Variants in TTN observed in about 807,000 individuals in gnomAD.
TTN encodes the protein connectin.
In TTN, 1,525 loss-of-function variants were observed where a neutral mutation model predicts 3,223.0. The observed-to-expected ratio is 0.47, with a 90% CI of 0.45 to 0.49. TTN has a LOEUF of 0.49. Ranked by LOEUF, TTN falls within the 20% of genes least tolerant of loss-of-function variation. The pLI is 0.00. For missense variants in TTN, 40,786 were observed against 43,424.0 expected (o/e 0.94, Z 5.40); for synonymous variants, 14,094 against 15,161.0 (o/e 0.93, Z 5.17).
Position 178,597,789 on chromosome 2 carries a change from A to G in TTN, c.57293T>C (p.Val19098Ala), listed in dbSNP as rs766691172. 2 of 1,613,236 alleles carry G rather than the reference A, an allele frequency of 1.2e-6. No homozygotes were observed. Among genetic ancestry groups the G allele is most frequent in the South Asian group, 2.2e-5 (2 of 91,060 alleles). The change falls in exon 294 of 363, where the codon GTC becomes GCC. Residue 19098 changes from valine to alanine, a missense_variant. Coordinates refer to ENST00000589042, the MANE Select transcript of TTN (RefSeq NM_001267550.2). ...VSPDLQLDASVRDRIVVHAGG... is the reference protein window; with the variant it reads ...VSPDLQLDASARDRIVVHAGG... ...AGCATGGACAACAATTCTATCTCTGACACTGGCATCTAGCTGAAGGTCAGG... is the reference window on the plus strand; with the variant it reads ...AGCATGGACAACAATTCTATCTCTGGCACTGGCATCTAGCTGAAGGTCAGG...
rs1460874530 is a variant in TTN at position 178,757,843 on chromosome 2, C to T, written c.10377G>A (p.Glu3459=). Residue 3459 remains glutamate, a synonymous_variant, in exon 45 of 363, where the codon GAG becomes GAA. Coordinates refer to ENST00000589042, the MANE Select transcript of TTN (RefSeq NM_001267550.2). ...HVSLSVSFKK[E]PLGQKPSFIQ... is the part of the protein sequence containing the mutation. ...TGAAGCTGGGCTTTTGGCCAAGGGGCTCCTTCTTAAATGAAACTGATAAAG... is the reference window on the plus strand; with the variant it reads ...TGAAGCTGGGCTTTTGGCCAAGGGGTTCCTTCTTAAATGAAACTGATAAAG... 1.9e-6 allele frequency: 3 copies of T among 1,589,536 alleles called. No homozygotes were observed. Among genetic ancestry groups the T allele is most frequent in the Admixed American group, 1.8e-5 (1 of 56,038 alleles).
intron 217 of TTN, 46 bp from the exon 218 acceptor site, chr2:178,644,662 G>A: frequency 7.2e-7 from 1 of 1,383,574 alleles, no homozygotes; most frequent in African/African-American, 1.5e-5. Flanking sequence ...TATTTAATCT[G>A]AAGCAAGTGA....
At chr2:178,696,358 G>T in intron 113 of TTN, 89 bp from the exon 114 acceptor site, 22 of 1,031,108 alleles carry the variant, frequency 2.1e-5, no homozygotes, top group South Asian at 8.8e-5. Flanking sequence ...AACAACATCA[G>T]TATTTCAGAT....
intron 47 of TTN, chr2:178,746,783 A>C: frequency 6.2e-7 from 1 of 1,613,430 alleles, no homozygotes; most frequent in South Asian, 1.1e-5. Flanking sequence ...AAGACCTTCA[A>C]CTTCAACAAT....
intron 24 of TTN, 52 bp downstream of exon 24, chr2:178,778,822 T>C (rs932291169): frequency 2.2e-5 from 36 of 1,611,992 alleles, no homozygotes; most frequent in Middle Eastern, 1.7e-4. Flanking sequence ...TACTATTTGA[T>C]GTTTTGAAAA....
chr2:178,534,485 T>C lies in TTN; in HGVS notation c.102130A>G (p.Ile34044Val), dbSNP rs1690568887. ...FDEEAFKEISIEAMDFVDRLL... is the reference protein window; with the variant it reads ...FDEEAFKEISVEAMDFVDRLL... The stretch of plus-strand genomic sequence containing the variant: ...CGGTCAACAAAATCCATGGCTTCAA[T>C]GCTAATCTCTTTGAATGCTTCCTCA... Residue 34044 changes from isoleucine (I) to valine (V), a missense_variant, in exon 358 of 363, where the codon ATT (isoleucine) becomes GTT (valine). Transcript: ENST00000589042. The C allele has an allele frequency of 4.3e-6, 7 of 1,613,664 alleles. No homozygotes were observed. The highest frequency in any genetic ancestry group is 5.9e-6 in the Non-Finnish European group (7 of 1,179,826).
chr2:178,624,866 GACA>G (rs2058794217), intron 241 of TTN, 135 bp from the exon 242 acceptor site: 2 of 945,920 alleles, frequency 2.1e-6, no homozygotes. Flanking sequence ...ATTACACTCA[GACA>G]TTTTCCTCTA....
intron 124 of TTN, 43 bp from the exon 125 acceptor site, chr2:178,689,179 A>G (rs758793193): frequency 1.6e-5 from 25 of 1,580,148 alleles, no homozygotes; most frequent in Non-Finnish European, 2.2e-5. Context: ...ATGTGATCTC[A>G]TTGAAGCCCA....
intron 125 of TTN, 46 bp downstream of exon 125, chr2:178,689,003 ATTTT>A (rs35770337): frequency 0.014 from 13,358 of 984,736 alleles, no homozygotes; most frequent in Non-Finnish European, 0.016. Context: ...ACACTCGAAG[ATTTT>A]TTTTTTTTTT....
chr2:178,630,154 TAATAA>T, intron 239 of TTN, 82 bp downstream of exon 239: 1 of 1,567,826 alleles, frequency 6.4e-7, no homozygotes, highest in Admixed American at 1.8e-5. Flanking sequence ...ATTTTCTAAC[TAATAA>T]AATAGGTCCA....
chr2:178,605,714 C>A lies in TTN; in HGVS notation c.53582-1G>T. The A allele has an allele frequency of 6.7e-7, 1 of 1,484,260 alleles. No individual in the cohort carries two copies. The highest frequency in any genetic ancestry group is 9.0e-7 in the Non-Finnish European group (1 of 1,113,278). The allele number at this position is 1,484,260 out of a possible 1,614,324, so 91.9% of individuals were successfully genotyped here. ...AGCCTCTCTGGAGATGTTGGAGGAC[C>A]TTTAGCCAGAGGCAAGTGAAAATGA... On this transcript the variant is annotated splice_acceptor_variant, in intron 278 of 362. Coordinates refer to ENST00000589042, the MANE Select transcript of TTN (RefSeq NM_001267550.2). LOFTEE classifies it high-confidence loss of function.
chr2:178,740,425 C>T lies in TTN; in HGVS notation c.12808G>A (p.Gly4270Arg). The T allele has an allele frequency of 6.2e-7, 1 of 1,613,048 alleles. No individual in the cohort carries two copies. Among genetic ancestry groups the T allele is most frequent in the African/African-American group, 1.3e-5 (1 of 75,004 alleles). The change falls in exon 48 of 363, where the codon GGA becomes AGA. Residue 4270 changes from glycine to arginine, a missense_variant. Physicochemically the swap from Gly to Arg is moderately radical, Grantham distance 125 (BLOSUM62 -2). Transcript: ENST00000589042. ...ALILSQSLAE[G>R]HVESLQSPDV... ...GGACTCTGGAGACTCTCCACGTGTC[C>T]CTCAGCTAAGCTCTGACTCAAGATG...
At position 178,738,292 on chromosome 2, in the gene TTN, A is replaced by T. The variant is rs760530704; in HGVS notation, c.14161T>A (p.Cys4721Ser). The T allele has an allele frequency of 2.5e-6, 4 of 1,613,544 alleles. No homozygotes were observed. In the South Asian group the frequency reaches 3.3e-5, roughly 13 times the overall value. Reference protein sequence around the residue: ...VALGHLAKFTCEIQSAPNVRF... With the variant: ...VALGHLAKFTSEIQSAPNVRF... Reference sequence around the variant, plus strand: ...ACATTGGGAGCACTTTGGATCTCACAGGTGAATTTGGCTAGGTGGCCCAGT... The same window carrying T: ...ACATTGGGAGCACTTTGGATCTCACTGGTGAATTTGGCTAGGTGGCCCAGT... Residue 4721 changes from cysteine to serine, a missense_variant, in exon 49 of 363, where the codon TGT (cysteine) becomes AGT (serine). Cys to Ser is a moderately radical substitution (Grantham distance 112, BLOSUM62 -1). Transcript: ENST00000589042.
rs1317447790 is a variant in TTN, at chr2:178,542,337, A to G, written c.97419T>C (p.Arg32473=). Residue 32473 remains arginine, a synonymous_variant, in exon 349 of 363, where the codon CGT becomes CGC. Transcript: ENST00000589042. ...RLTEGNEYVF[R]VAATNRFGIG... The stretch of plus-strand genomic sequence containing the variant: ...TCCCGAAGCGGTTTGTTGCAGCCAC[A>G]CGGAACACATACTCATTTCCTTCGG... 2.5e-6 allele frequency: 4 copies of G among 1,613,260 alleles called. No homozygotes were observed. Among genetic ancestry groups the G allele is most frequent in the African/African-American group, 1.3e-5 (1 of 74,898 alleles).
intron 47 of TTN, chr2:178,746,502 T>C: frequency 6.2e-7 from 1 of 1,613,126 alleles, no homozygotes. Context: ...CTTGATGATG[T>C]GGTGTGTTCC....
At position 178,683,206 on chromosome 2, in the gene TTN, T is replaced by C. The variant is rs1248329302; in HGVS notation, c.32887+5A>G. 9.1e-6 allele frequency: 14 copies of C among 1,542,628 alleles called. No individual in the cohort carries two copies. Among genetic ancestry groups the C allele is most frequent in the African/African-American group, 1.4e-5 (1 of 73,030 alleles). On this transcript the variant is annotated splice_donor_5th_base_variant and intron_variant, in intron 134 of 362. Transcript: ENST00000589042. ...CTCACATTACTTAATCAAAGTTCAA[T>C]ATACCTTTGATGGGTTGAGGTTCTC...
chr2:178,646,053 G>A lies in TTN; in HGVS notation c.40298-23C>T, dbSNP rs763134660. On this transcript the variant is annotated intron_variant, in intron 216 of 362. Coordinates refer to ENST00000589042, the MANE Select transcript of TTN (RefSeq NM_001267550.2). ...GTTCTTGAAAGAGTATTTCAGAGGT[G>A]TTAGTATATGTATATGTTAGCATGT... The A allele has an allele frequency of 5.9e-5, 82 of 1,380,272 alleles. No homozygotes were observed. In the East Asian group the frequency reaches 2.3e-3, roughly 39 times the overall value. The allele number at this position is 1,380,272 out of a possible 1,614,324, so 85.5% of individuals were successfully genotyped here. A position where few individuals can be genotyped will look rare whatever the true frequency, so the allele number is the denominator to read the frequency against.
At chr2:178,669,822 C>A in intron 157 of TTN, 147 bp from the exon 158 acceptor site, 1 of 759,036 alleles carries the variant, frequency 1.3e-6, no homozygotes, top group Admixed American at 2.4e-5. Context: ...CATTGCATTT[C>A]TCTGAATTGC....
rs727503627 is a variant in TTN at position 178,630,854 on chromosome 2, C to G, written c.44104G>C (p.Asp14702His). Residue 14702 changes from aspartate to histidine, a missense_variant, in exon 238 of 363, where the codon GAT becomes CAT. Transcript: ENST00000589042. Reference protein sequence around the residue: ...ARFETEISEDDIHANWKLKGE... With the variant: ...ARFETEISEDHIHANWKLKGE... ...TTGAGTTTCCAGTTGGCGTGGATAT[C>G]ATCTTCAGAGATTTCGGTTTCAAAG... 3.7e-6 allele frequency: 6 copies of G among 1,613,370 alleles called. No individual in the cohort carries two copies. The South Asian group carries it at 6.6e-5, about 18-fold the overall frequency.
Sources: allele counts gnomAD v4.1 joint callset, GRCh38; gene constraint gnomAD v4.1.1; transcripts MANE v1.5; gene names NCBI Gene and HGNC (gene_info 2026-07-23, HGNC 2026-07-21).